The following RERE variants were observed in gnomAD, a reference collection of about 807,000 sequenced individuals.
RERE encodes arginine-glutamic acid dipeptide repeats protein.
Under a neutral mutation model 146.1 loss-of-function variants are expected in RERE, and 40 were observed. The ratio of observed to expected loss-of-function variants is 0.27; its 90% CI spans 0.21 to 0.36. The LOEUF (loss-of-function observed/expected upper bound fraction) is 0.36. Ranked by LOEUF, RERE falls within the 10% of genes least tolerant of loss-of-function variation. The pLI, the probability that RERE is intolerant of heterozygous loss-of-function variation, is 1.00. For missense variants in RERE, 1,933 were observed against 2,138.7 expected (o/e 0.90, Z 1.90); for synonymous variants, 1,003 against 866.0 (o/e 1.16, Z -2.78).
chr1:8,635,972 C>CTTATA lies in RERE; in HGVS notation c.326-11593_326-11592insTATAA, dbSNP rs1404664984. Among the ~76,000 whole-genome samples, 53 of 143,944 alleles carry CTTATA rather than the reference C, an allele frequency of 3.7e-4. No homozygotes were observed. The Middle Eastern group carries it at 0.01, about 28-fold the overall frequency. The allele number at this position is 143,944 out of a possible 152,430, so 94.4% of individuals were successfully genotyped here. A position where few individuals can be genotyped will look rare whatever the true frequency, so the allele number is the denominator to read the frequency against. On this transcript the variant is annotated intron_variant, in intron 2 of 22. Transcript: ENST00000400908. ...TTTATCTTATCTTATCTTATCTTAT[C>CTTATA]TTATCTTATTTTATTTTATTTTATT... is the stretch of plus-strand genomic sequence containing the variant.
At chr1:8,461,208 T>C (rs149663009) in intron 11 of RERE, among the ~76,000 whole-genome samples, 87 of 152,084 alleles carry the variant, frequency 5.7e-4, no homozygotes, top group Admixed American at 1.2e-3. Flanking sequence ...ATTTGTTTTG[T>C]TTGGGTTTTT....
At chr1:8,781,939 A>C (rs973671080) in intron 1 of RERE, among the ~76,000 whole-genome samples, 1 of 152,032 alleles carries the variant, frequency 6.6e-6, no homozygotes, top group Non-Finnish European at 1.5e-5. Flanking sequence ...GATTTGGGGG[A>C]CCCATTAATC....
At chr1:8,560,051 T>C (rs748376680) in intron 4 of RERE, among the ~76,000 whole-genome samples, 1 of 152,118 alleles carries the variant, frequency 6.6e-6, no homozygotes, top group Non-Finnish European at 1.5e-5. Context: ...GGCAGGATAA[T>C]AAAAAGCAGG....
intron 7 of RERE, among the ~76,000 whole-genome samples, chr1:8,531,295 A>C (rs1264988261): frequency 1.3e-5 from 2 of 152,056 alleles, no homozygotes; most frequent in East Asian, 3.9e-4. Context: ...ATACAAAAAT[A>C]AGTCAGGCGT....
At chr1:8,488,779 A>G (rs1442363849) in intron 10 of RERE, among the ~76,000 whole-genome samples, 3 of 152,232 alleles carry the variant, frequency 2.0e-5, no homozygotes, top group Non-Finnish European at 4.4e-5. Flanking sequence ...CTGATTTTCA[A>G]TAACAATGTC....
At chr1:8,559,758 G>A (rs995665284) in intron 4 of RERE, among the ~76,000 whole-genome samples, 31 of 152,076 alleles carry the variant, frequency 2.0e-4, no homozygotes, top group African/African-American at 7.0e-4. Context: ...ATGCATCAAC[G>A]AAGCCATTCT....
intron 12 of RERE, among the ~76,000 whole-genome samples, chr1:8,407,285 T>C (rs1228037483): frequency 6.6e-6 from 1 of 152,156 alleles, no homozygotes; most frequent in African/African-American, 2.4e-5. Flanking sequence ...TATTGCTGCC[T>C]AGAGAAGGGG....
chr1:8,516,486 T>A (rs960713938), intron 7 of RERE, among the ~76,000 whole-genome samples: 2 of 152,142 alleles, frequency 1.3e-5, no homozygotes, highest in Admixed American at 6.5e-5. Context: ...AATTTCCATT[T>A]ATTTTCTTAT....
intron 12 of RERE, among the ~76,000 whole-genome samples, chr1:8,402,220 C>G (rs922505293): frequency 6.6e-6 from 1 of 152,276 alleles, no homozygotes; most frequent in Non-Finnish European, 1.5e-5. Context: ...ACGCAGCCAA[C>G]CATCATGCTG....
chr1:8,813,519 GT>G (rs1641852214), intron 1 of RERE, among the ~76,000 whole-genome samples: 1 of 151,166 alleles, frequency 6.6e-6, no homozygotes, highest in Non-Finnish European at 1.5e-5. Flanking sequence ...TTATATGTGT[GT>G]TTTTACAGCA....
At chr1:8,397,588 GAAA>G (rs34958833) in intron 12 of RERE, among the ~76,000 whole-genome samples, 1 of 138,656 alleles carries the variant, frequency 7.2e-6, no homozygotes, top group African/African-American at 2.6e-5. Context: ...ACTCACACAG[GAAA>G]AAAAAAAAAA....
In RERE at chr1:8,460,581, T is replaced by C. The variant is rs1374325747; in HGVS notation, c.1203+5344A>G. On this transcript the variant is annotated intron_variant, in intron 11 of 22. Transcript: ENST00000400908. ...GATTAACTATTTTTGGATAAAAATT[T>C]CAGAGCTTATTTGTATCTAGATTGT... 2.0e-5 allele frequency among the ~76,000 whole-genome samples: 3 copies of C among 152,220 alleles called. No homozygotes were observed. The East Asian group carries it at 5.8e-4, about 29-fold the overall frequency.
chr1:8,471,968 C>T (rs779242323), intron 10 of RERE, among the ~76,000 whole-genome samples: 9 of 152,114 alleles, frequency 5.9e-5, no homozygotes, highest in Non-Finnish European at 1.2e-4. Context: ...CACGTCACCA[C>T]GCCCGGCTAA....
chr1:8,500,623 G>C (rs959319261), intron 8 of RERE, among the ~76,000 whole-genome samples: 23 of 150,214 alleles, frequency 1.5e-4, no homozygotes, highest in African/African-American at 2.9e-4. Flanking sequence ...GCCTCTGCCC[G>C]GCCGCCACCC....
At chr1:8,413,774 A>G (rs1337615581) in intron 12 of RERE, among the ~76,000 whole-genome samples, 1 of 152,018 alleles carries the variant, frequency 6.6e-6, no homozygotes, top group East Asian at 1.9e-4. Flanking sequence ...AGGGAACTTT[A>G]GCAGGGCACC....
chr1:8,364,911 G>C lies in RERE; in HGVS notation c.1448-73C>G, dbSNP rs1189060568. 44 of 727,184 alleles carry C rather than the reference G, an allele frequency of 6.1e-5. 1 individual carries two copies. Among genetic ancestry groups the C allele is most frequent in the South Asian group, 5.7e-4 (35 of 61,862 alleles). 45.0% of individuals were successfully genotyped at this position (727,184 alleles called of 1,614,324 possible). A position where few individuals can be genotyped will look rare whatever the true frequency, so the allele number is the denominator to read the frequency against. On this transcript the variant is annotated intron_variant, in intron 13 of 22. Coordinates refer to ENST00000400908, the MANE Select transcript of RERE (RefSeq NM_001042681.2). The surrounding 1 kb of genome is among the most constrained non-coding windows in gnomAD (Gnocchi z 5.1). The stretch of plus-strand genomic sequence containing the variant: ...TCAGCCAAGGCTGGGCCGGTGGGGT[G>C]GGGGGGAGGGGGGAACACCTGTGAC...
At chr1:8,638,786 T>A (rs1164799794) in intron 2 of RERE, among the ~76,000 whole-genome samples, 26 of 22,360 alleles carry the variant, frequency 1.2e-3, no homozygotes, top group African/African-American at 5.1e-3. Context: ...AAAAAAAATT[T>A]TTTTTTTTTT....
At chr1:8,767,355 T>C (rs934517884) in intron 1 of RERE, among the ~76,000 whole-genome samples, 2 of 152,174 alleles carry the variant, frequency 1.3e-5, no homozygotes, top group African/African-American at 4.8e-5. Flanking sequence ...GTAATCCCAA[T>C]ACTTTAGGAG....
intron 12 of RERE, among the ~76,000 whole-genome samples, chr1:8,372,373 ATCAT>A (rs1642071154): frequency 6.6e-6 from 1 of 152,058 alleles, no homozygotes; most frequent in Non-Finnish European, 1.5e-5. Flanking sequence ...TGGTAATTAT[ATCAT>A]TATTACCACA....
Sources: allele counts gnomAD v4.1 joint callset (sites outside exome capture counted in the v4.1 genomes callset), GRCh38; gene constraint gnomAD v4.1.1; non-coding constraint Gnocchi (gnomAD v3.1); transcripts MANE v1.5; gene names NCBI Gene and HGNC (gene_info 2026-07-23, HGNC 2026-07-21).